Variants in KDM3A observed in about 807,000 individuals in gnomAD.
The protein encoded by KDM3A is lysine demethylase 3A, also known as lysine-specific demethylase 3A.
A neutral mutation model predicts 158.0 loss-of-function variants in KDM3A; 60 were observed. The observed-to-expected ratio is 0.38, with a 90% CI of 0.31 to 0.47. The LOEUF is 0.47. Among genes scored for constraint, KDM3A ranks in the 20% least tolerant of loss-of-function variants. The probability of loss-of-function intolerance (pLI) is 0.99; values close to 1 mark genes in which losing one functional copy is unlikely to be tolerated. For missense variants in KDM3A, 1,319 were observed against 1,574.3 expected (o/e 0.84, Z 2.74); for synonymous variants, 608 against 549.3 (o/e 1.11, Z -1.49).
intron 10 of KDM3A, among the ~76,000 whole-genome samples, chr2:86,468,783 T>C (rs1026137452): frequency 3.3e-5 from 5 of 152,176 alleles, no homozygotes; most frequent in African/African-American, 1.2e-4. Flanking sequence ...TTCAGATAGA[T>C]ACGTGGCTCC....
intron 11 of KDM3A, among the ~76,000 whole-genome samples, chr2:86,472,179 A>G (rs1303711329): frequency 9.5e-5 from 14 of 148,018 alleles, no homozygotes; most frequent in Non-Finnish European, 2.1e-4. Flanking sequence ...TTTTTAACCC[A>G]CTACATTTTT....
intron 21 of KDM3A, among the ~76,000 whole-genome samples, chr2:86,486,707 G>A (rs941614856): frequency 5.9e-5 from 9 of 152,104 alleles, no homozygotes; most frequent in African/African-American, 2.2e-4. Flanking sequence ...TGTTGTCTTC[G>A]CTATGTTCTC....
At position 86,451,105 on chromosome 2, in the gene KDM3A, G is replaced by C. The variant is rs746865942; in HGVS notation, c.345G>C (p.Thr115=). ...TAAAGTGTTTTCTTTTGTTTTAGAC[G>C]TACAAACCTCTGTTGGACAAAGCTG... ...SERIVQWPAI[T]YKPLLDKAGL... Residue 115 remains threonine (T), a splice_region_variant and synonymous_variant, in exon 4 of 26, where the codon ACG becomes ACC. Coordinates refer to ENST00000312912, the MANE Select transcript of KDM3A (RefSeq NM_018433.6). 5 of 1,597,016 alleles carry C rather than the reference G, an allele frequency of 3.1e-6. No homozygotes were observed. In the East Asian group the frequency reaches 9.0e-5, roughly 29 times the overall value.
chr2:86,453,854 T>C (rs965890045), intron 4 of KDM3A, among the ~76,000 whole-genome samples: 2 of 152,200 alleles, frequency 1.3e-5, no homozygotes, highest in Non-Finnish European at 2.9e-5. Context: ...TCTTGGTCAT[T>C]ATCCATTTCA....
chr2:86,452,986 A>C (rs569045807), intron 4 of KDM3A, among the ~76,000 whole-genome samples: 1 of 152,212 alleles, frequency 6.6e-6, no homozygotes, highest in Non-Finnish European at 1.5e-5. Flanking sequence ...ATCAAATAAC[A>C]TACAGGGGGG....
intron 12 of KDM3A, among the ~76,000 whole-genome samples, chr2:86,475,800 T>C (rs1004828541): frequency 2.6e-5 from 4 of 152,260 alleles, no homozygotes; most frequent in African/African-American, 7.2e-5. Flanking sequence ...TTTTAGACTT[T>C]GCTTAACCAA....
intron 21 of KDM3A, 43 bp from the exon 22 acceptor site, chr2:86,489,275 C>T: frequency 6.3e-7 from 1 of 1,596,990 alleles, no homozygotes; most frequent in Non-Finnish European, 8.5e-7. Context: ...CTGTGGCAGC[C>T]TTTGTTGTCT....
At position 86,460,415 on chromosome 2, in the gene KDM3A, A is replaced by G. The variant is rs550770073; in HGVS notation, c.843+3344A>G. ...TGGAGAGATAAAGGGAGCAGTGGGG[A>G]AAGAAAGTTTTTGAAAATGTATGAG... On this transcript the variant is annotated intron_variant, in intron 8 of 25. Transcript: ENST00000312912. 2.0e-5 allele frequency among the ~76,000 whole-genome samples: 3 copies of G among 152,256 alleles called. No individual in the cohort carries two copies. In the East Asian group the frequency reaches 5.8e-4, roughly 29 times the overall value.
At chr2:86,473,564 G>A (rs1436627270) in intron 11 of KDM3A, among the ~76,000 whole-genome samples, 1 of 152,038 alleles carries the variant, frequency 6.6e-6, no homozygotes, top group Non-Finnish European at 1.5e-5. Context: ...GGGCAACAGG[G>A]CAAAACCCTG....
intron 11 of KDM3A, 36 bp from the exon 12 acceptor site, chr2:86,474,740 T>TAC: frequency 9.5e-7 from 1 of 1,048,734 alleles, no homozygotes; most frequent in Non-Finnish European, 1.5e-6. Context: ...TGTGTGTGTG[T>TAC]GTACATTACA....
chr2:86,485,278 A>G (rs1256790842), intron 20 of KDM3A, among the ~76,000 whole-genome samples: 10 of 152,222 alleles, frequency 6.6e-5, no homozygotes, highest in Non-Finnish European at 1.5e-4. Flanking sequence ...AGGCCCTGCT[A>G]GAGAAGAGGC....
At chr2:86,488,312 A>G (rs186691748) in intron 21 of KDM3A, 1 of 152,216 alleles carries the variant, frequency 6.6e-6, no homozygotes, top group Non-Finnish European at 1.5e-5. Flanking sequence ...ATAACTCATC[A>G]CCCAGTTATA....
At chr2:86,450,313 G>T (rs1672389401) in intron 3 of KDM3A, among the ~76,000 whole-genome samples, 1 of 152,146 alleles carries the variant, frequency 6.6e-6, no homozygotes, top group African/African-American at 2.4e-5. Context: ...TGAAAATCTA[G>T]ATTTCCATTG....
intron 8 of KDM3A, among the ~76,000 whole-genome samples, chr2:86,459,440 C>T (rs1672836710): frequency 6.6e-6 from 1 of 152,054 alleles, no homozygotes; most frequent in Non-Finnish European, 1.5e-5. Context: ...TGTTGCCTGT[C>T]ATGGGGAATG....
rs779124503 is a variant in KDM3A, at chr2:86,449,812, T to C, written c.192T>C (p.Cys64=). The part of the protein sequence containing the change: ...TDVTKKDLKV[C]VEFDGESWRK... ...CCCCAATTTTGTCTGTCTAGGTGTG[T>C]GTGGAATTTGATGGGGAATCTTGGA... is the stretch of plus-strand genomic sequence containing the variant. Residue 64 remains cysteine, a synonymous_variant, in exon 3 of 26, where the codon TGT becomes TGC. Coordinates refer to ENST00000312912, the MANE Select transcript of KDM3A (RefSeq NM_018433.6). The C allele has an allele frequency of 1.6e-5, 26 of 1,610,938 alleles. 1 individual carries two copies. Among genetic ancestry groups the C allele is most frequent in the South Asian group, 9.9e-5 (9 of 90,634 alleles).
upstream of KDM3A, chr2:86,441,366 G>A (rs920620074): frequency 6.6e-6 from 1 of 152,434 alleles, no homozygotes; most frequent in Admixed American, 6.5e-5. Flanking sequence ...GAGAGCTCTT[G>A]AACCAAGTCA....
chr2:86,485,957 T>A (rs1275883652), intron 21 of KDM3A, 98 bp downstream of exon 21: 1 of 1,247,096 alleles, frequency 8.0e-7, no homozygotes, highest in Non-Finnish European at 1.1e-6. Context: ...ACACCCATAA[T>A]CCTAATGCGT....
At chr2:86,486,271 G>A (rs1371400700) in intron 21 of KDM3A, among the ~76,000 whole-genome samples, 1 of 152,224 alleles carries the variant, frequency 6.6e-6, no homozygotes, top group Non-Finnish European at 1.5e-5. Context: ...GCAGTGTTCT[G>A]TGTTGTTGAG....
Position 86,492,428 on chromosome 2 carries a change from A to C in KDM3A, c.*309A>C. ...GCAGTTATTCTTCAGCTGTTTGGAC[A>C]ACTTAGATTGGGTTTATAACTATTA... On this transcript the variant is annotated 3_prime_UTR_variant, in exon 26 of 26. Coordinates refer to ENST00000312912, the MANE Select transcript of KDM3A (RefSeq NM_018433.6). The C allele has an allele frequency of 3.6e-6, 1 of 274,782 alleles. No homozygotes were observed. Among genetic ancestry groups the C allele is most frequent in the Non-Finnish European group, 6.9e-6 (1 of 144,216 alleles). 17.0% of individuals were successfully genotyped at this position (274,782 alleles called of 1,614,324 possible).
Sources: allele counts gnomAD v4.1 joint callset (sites outside exome capture counted in the v4.1 genomes callset), GRCh38; gene constraint gnomAD v4.1.1; transcripts MANE v1.5; gene names NCBI Gene and HGNC (gene_info 2026-07-23, HGNC 2026-07-21).